Variants in SIMC1 observed in about 807,000 individuals in gnomAD.
SIMC1 encodes the protein SUMO interacting motifs containing 1, also known as SUMO-interacting motif-containing protein 1.
Under a neutral mutation model 82.3 loss-of-function variants are expected in SIMC1, and 55 were observed. The ratio of observed to expected loss-of-function variants is 0.67; its 90% confidence interval spans 0.54 to 0.84. SIMC1 has a LOEUF of 0.84. Among genes scored for constraint, SIMC1 ranks in the 40% least tolerant of loss-of-function variants. The pLI, the probability that SIMC1 is intolerant of heterozygous loss-of-function variation, is 0.00. For synonymous variants in SIMC1, 353 were observed against 426.3 expected (o/e 0.83, Z 2.12); for missense variants, 915 against 1,107.2 (o/e 0.83, Z 2.46).
intron 4 of SIMC1, chr5:176,308,890 G>T: frequency 7.5e-7 from 1 of 1,324,896 alleles, no homozygotes; most frequent in East Asian, 2.3e-5. Flanking sequence ...GCAGTCAGAT[G>T]TCAGCAGTCA....
chr5:176,246,340 C>G (rs1297908913), intron 1 of SIMC1, among the ~76,000 whole-genome samples: 1 of 151,828 alleles, frequency 6.6e-6, no homozygotes, highest in African/African-American at 2.4e-5. Flanking sequence ...TGACAACTCA[C>G]ATTTCCCTCA....
intron 1 of SIMC1, among the ~76,000 whole-genome samples, chr5:176,241,602 A>AC (rs555243584): frequency 1.3e-5 from 2 of 151,572 alleles, no homozygotes; most frequent in South Asian, 2.1e-4. Flanking sequence ...AGGGTTGCTA[A>AC]CCCCCCCGTG....
At chr5:176,263,648 C>T in intron 1 of SIMC1, 5 of 1,108,824 alleles carry the variant, frequency 4.5e-6, no homozygotes, top group South Asian at 3.2e-5. Flanking sequence ...CAGGTCCTAC[C>T]TCCAACATTG....
In SIMC1 at chr5:176,290,203, C is replaced by A. The variant is rs770278729; in HGVS notation, c.679C>A (p.Pro227Thr). The A allele has an allele frequency of 6.2e-7, 1 of 1,611,638 alleles. No homozygotes were observed. The highest frequency in any genetic ancestry group is 2.2e-5 in the East Asian group (1 of 44,792). The change falls in exon 2 of 10, where the codon CCA (proline) becomes ACA (threonine). Residue 227 changes from proline to threonine, a missense_variant. Coordinates refer to ENST00000429602, the MANE Select transcript of SIMC1 (RefSeq NM_001308195.2). ...CTTGCCGTGCCCCCTGCGACCTTTG[C>A]CATGCCCACCGAGAGCCTCACCATG... ...QALPCPLRPLPCPPRASPCPP... is the reference protein window; with the variant it reads ...QALPCPLRPLTCPPRASPCPP...
intron 1 of SIMC1, among the ~76,000 whole-genome samples, chr5:176,254,151 A>G: frequency 6.6e-6 from 1 of 152,184 alleles, no homozygotes. Flanking sequence ...CAACAGTTGT[A>G]TTAGGGATGT....
intron 6 of SIMC1, among the ~76,000 whole-genome samples, chr5:176,323,224 A>C (rs2113371747): frequency 6.6e-6 from 1 of 152,336 alleles, no homozygotes; most frequent in Admixed American, 6.5e-5. Flanking sequence ...ATGTTTTGGA[A>C]CAATGAAGCA....
At chr5:176,313,355 C>T in intron 4 of SIMC1, 1 of 1,502,600 alleles carries the variant, frequency 6.7e-7, no homozygotes, top group Non-Finnish European at 8.9e-7. Context: ...ATCAAATGAT[C>T]TACAATCCTA....
At chr5:176,321,218 T>C (rs1008683742) in intron 5 of SIMC1, among the ~76,000 whole-genome samples, 3 of 152,248 alleles carry the variant, frequency 2.0e-5, no homozygotes, top group Non-Finnish European at 4.4e-5. Context: ...ATGTAATCTA[T>C]TGAGAATTTT....
intron 4 of SIMC1, among the ~76,000 whole-genome samples, chr5:176,306,099 C>T (rs1396968989): frequency 3.5e-5 from 3 of 84,694 alleles, no homozygotes; most frequent in Non-Finnish European, 5.1e-5. Context: ...CTCTGCCCGG[C>T]CGCCCCTACT....
Position 176,290,812 on chromosome 5 carries a change from C to G in SIMC1, c.1288C>G (p.Pro430Ala). The G allele has an allele frequency of 6.2e-7, 1 of 1,613,682 alleles. No individual in the cohort carries two copies. The highest frequency in any genetic ancestry group is 8.5e-7 in the Non-Finnish European group (1 of 1,179,682). ...AATATCACTGTCAGAGCCTGCCAAA[C>G]CTGGGTCTGCCCACGTACAATCACG... is the stretch of plus-strand genomic sequence containing the variant. ...KEISLSEPAK[P>A]GSAHVQSRTP... is the part of the protein sequence containing the mutation. The change falls in exon 2 of 10, where the codon CCT becomes GCT. Residue 430 changes from proline to alanine, a missense_variant. Pro to Ala is a conservative substitution (Grantham distance 27). This residue lies in a region of SIMC1 where 902 missense variants were observed against 1,040.3 expected (regional missense o/e 0.87). Transcript: ENST00000429602.
chr5:176,335,781 G>A (rs1765864411), intron 7 of SIMC1, among the ~76,000 whole-genome samples: 2 of 150,938 alleles, frequency 1.3e-5, no homozygotes, highest in African/African-American at 2.5e-5. Flanking sequence ...AGTGGCTCAC[G>A]CCTGTAATCC....
At chr5:176,325,262 C>T (rs1765338003) in intron 7 of SIMC1, among the ~76,000 whole-genome samples, 1 of 152,060 alleles carries the variant, frequency 6.6e-6, no homozygotes, top group African/African-American at 2.4e-5. Context: ...TGGTGCACAC[C>T]TATAATCTCA....
chr5:176,336,943 C>G (rs1765927113), intron 8 of SIMC1, 67 bp downstream of exon 8: 1 of 1,603,024 alleles, frequency 6.2e-7, no homozygotes, highest in East Asian at 2.2e-5. Flanking sequence ...GAACCCTTCC[C>G]ATAGGATTTT....
At chr5:176,304,216 C>CCCTCTCCCTCTT (rs952643174) in intron 4 of SIMC1, 1 of 151,942 alleles carries the variant, frequency 6.6e-6, no homozygotes, top group African/African-American at 2.4e-5. Context: ...AACTCCAGCT[C>CCCTCTCCCTCTT]CCTCTCCCTC....
At chr5:176,266,523 A>G (rs1305001535) in intron 1 of SIMC1, among the ~76,000 whole-genome samples, 1 of 148,874 alleles carries the variant, frequency 6.7e-6, no homozygotes, top group Admixed American at 6.7e-5. Context: ...CAAAGTTTGC[A>G]GTTCGAATCT....
rs368859567 is a variant in SIMC1 at position 176,336,095 on chromosome 5, G to GGA, written c.2172-604_2172-603dup. On this transcript the variant is annotated intron_variant, in intron 7 of 9. Coordinates refer to ENST00000429602, the MANE Select transcript of SIMC1 (RefSeq NM_001308195.2). The stretch of plus-strand genomic sequence containing the variant: ...GGGAGAGGGAGGGAGGCAGGGAGGG[G>GGA]GAGAGAGAGAGAGAGAGAGAGATTA... Among the ~76,000 whole-genome samples, 144 of 147,264 alleles carry GGA rather than the reference G, an allele frequency of 9.8e-4. 1 individual carries two copies. The highest frequency in any genetic ancestry group is 1.7e-3 in the South Asian group (8 of 4,640).
intron 1 of SIMC1, among the ~76,000 whole-genome samples, chr5:176,276,189 G>C (rs889977860): frequency 2.0e-4 from 30 of 151,674 alleles, no homozygotes; most frequent in African/African-American, 7.3e-4. Context: ...CTTCTTCCTG[G>C]TTTAGTCTTA....
At chr5:176,292,955 T>C (rs1483845091) in intron 2 of SIMC1, among the ~76,000 whole-genome samples, 1 of 152,154 alleles carries the variant, frequency 6.6e-6, no homozygotes, top group Non-Finnish European at 1.5e-5. Flanking sequence ...ACACATTATT[T>C]TTGTTGTTTA....
chr5:176,344,637 C>T (rs962619839), intron 9 of SIMC1, among the ~76,000 whole-genome samples: 6 of 152,152 alleles, frequency 3.9e-5, no homozygotes, highest in Admixed American at 1.3e-4. Flanking sequence ...GAAGCAGACA[C>T]GTTTTACGTG....
Sources: gnomAD v4.1 joint callset for allele counts (sites outside exome capture counted in the v4.1 genomes callset) on GRCh38, gnomAD v4.1.1 for gene constraint, gnomAD v4.1.1 regional missense constraint, MANE v1.5 for transcripts, NCBI Gene and HGNC (gene_info 2026-07-23, HGNC 2026-07-21) for gene names.